Variants in QRFPR observed in about 807,000 individuals in gnomAD.
The protein encoded by QRFPR is pyroglutamylated RFamide peptide receptor, also known as pyroglutamylated RF-amide peptide receptor.
QRFPR carries 37 observed loss-of-function variants against 31.3 expected under a neutral mutation model. The ratio of observed to expected loss-of-function variants is 1.18; its 90% confidence interval spans 0.91 to 1.56. The LOEUF (loss-of-function observed/expected upper bound fraction) is 1.56. Among genes scored for constraint, QRFPR ranks in the 40% most tolerant of loss-of-function variants. QRFPR has a pLI of 0.00. For synonymous variants in QRFPR, 197 were observed against 192.0 expected (o/e 1.03, Z -0.22); for missense variants, 542 against 532.5 (o/e 1.02, Z -0.18).
At chr4:121,343,621 G>T (rs1425000322) in intron 1 of QRFPR, among the ~76,000 whole-genome samples, 1 of 152,106 alleles carries the variant, frequency 6.6e-6, no homozygotes, top group East Asian at 1.9e-4. Flanking sequence ...AAATGAATAT[G>T]GGTATAAATT....
chr4:121,349,662 C>G (rs539789430), intron 1 of QRFPR, among the ~76,000 whole-genome samples: 45 of 152,140 alleles, frequency 3.0e-4, no homozygotes, highest in African/African-American at 1.0e-3. Context: ...CCCTCGTCAC[C>G]GATTTCCTAT....
At chr4:121,375,617 A>G (rs1017982377) in intron 1 of QRFPR, among the ~76,000 whole-genome samples, 1 of 152,226 alleles carries the variant, frequency 6.6e-6, no homozygotes, top group Non-Finnish European at 1.5e-5. Flanking sequence ...GTGAAAGACC[A>G]TGGCTTATGA....
intron 1 of QRFPR, among the ~76,000 whole-genome samples, chr4:121,370,983 C>T (rs1299831321): frequency 6.6e-6 from 1 of 152,182 alleles, no homozygotes; most frequent in Non-Finnish European, 1.5e-5. Flanking sequence ...ATAGGGGAAG[C>T]TTTAATGCCA....
At chr4:121,369,898 T>C in intron 1 of QRFPR, 2 of 789,064 alleles carry the variant, frequency 2.5e-6, no homozygotes, top group East Asian at 4.8e-5. Flanking sequence ...TGTGGAGTGC[T>C]TCTGCTACTC....
intron 3 of QRFPR, among the ~76,000 whole-genome samples, chr4:121,333,643 A>T (rs532716689): frequency 6.6e-6 from 1 of 152,332 alleles, no homozygotes; most frequent in Non-Finnish European, 1.5e-5. Flanking sequence ...TTGCCAATAT[A>T]CAAATATTCA....
chr4:121,342,582 C>T (rs546908400), intron 1 of QRFPR, among the ~76,000 whole-genome samples: 54 of 152,226 alleles, frequency 3.5e-4, no homozygotes, highest in African/African-American at 1.2e-3. Context: ...TTCTCTTTCA[C>T]ATGTTAACAT....
At chr4:121,371,020 T>C (rs577830528) in intron 1 of QRFPR, among the ~76,000 whole-genome samples, 1 of 152,324 alleles carries the variant, frequency 6.6e-6, no homozygotes, top group South Asian at 2.1e-4. Context: ...ATCTAGTTAA[T>C]ACAAACACTA....
At chr4:121,362,926 G>A (rs1726019733) in intron 1 of QRFPR, among the ~76,000 whole-genome samples, 1 of 150,394 alleles carries the variant, frequency 6.6e-6, no homozygotes. Context: ...ATGCAGAGCT[G>A]TTCTTTCAAA....
intron 3 of QRFPR, 28 bp from the exon 4 acceptor site, chr4:121,333,084 GA>G: frequency 6.8e-7 from 1 of 1,464,396 alleles, no homozygotes; most frequent in Non-Finnish European, 9.5e-7. Context: ...TTCATTAAAA[GA>G]ACCAGTAGTC....
intron 1 of QRFPR, among the ~76,000 whole-genome samples, chr4:121,341,702 G>T (rs1418800351): frequency 6.6e-6 from 1 of 152,136 alleles, no homozygotes; most frequent in South Asian, 2.1e-4. Context: ...AATTTCATGT[G>T]TAGACTTCGG....
chr4:121,374,454 C>G (rs1383882115), intron 1 of QRFPR, among the ~76,000 whole-genome samples: 2 of 152,182 alleles, frequency 1.3e-5, no homozygotes, highest in Non-Finnish European at 2.9e-5. Flanking sequence ...TACACTACAT[C>G]AATGATTTTA....
At chr4:121,372,547 A>G (rs181410344) in intron 1 of QRFPR, among the ~76,000 whole-genome samples, 196 of 152,272 alleles carry the variant, frequency 1.3e-3, no homozygotes, top group Non-Finnish European at 2.5e-3. Context: ...CATAACCCCA[A>G]ACAGAAATCT....
chr4:121,375,480 T>C (rs1412179536), intron 1 of QRFPR, among the ~76,000 whole-genome samples: 2 of 152,204 alleles, frequency 1.3e-5, no homozygotes, highest in Non-Finnish European at 2.9e-5. Flanking sequence ...CAAGAAATGC[T>C]GAATACAGGA....
At chr4:121,342,708 A>AC (rs1553946385) in intron 1 of QRFPR, among the ~76,000 whole-genome samples, 1 of 151,770 alleles carries the variant, frequency 6.6e-6, no homozygotes, top group Non-Finnish European at 1.5e-5. Flanking sequence ...ATTTTTGTCT[A>AC]TTTTTTTCGC....
At chr4:121,346,163 G>A (rs1335397901) in intron 1 of QRFPR, among the ~76,000 whole-genome samples, 1 of 152,088 alleles carries the variant, frequency 6.6e-6, no homozygotes, top group Non-Finnish European at 1.5e-5. Context: ...TGAAATAATG[G>A]TCTAACAGAT....
chr4:121,367,255 G>A (rs1367350050), intron 1 of QRFPR, among the ~76,000 whole-genome samples: 1 of 149,820 alleles, frequency 6.7e-6, no homozygotes. Flanking sequence ...CCACAGTCTG[G>A]GTGGCCTGGA....
chr4:121,369,531 G>A (rs1322476095), intron 1 of QRFPR: 3 of 1,569,888 alleles, frequency 1.9e-6, no homozygotes, highest in Admixed American at 1.7e-5. Context: ...TCCATCTTGG[G>A]TGGCTTCAAG....
chr4:121,357,193 G>A (rs1280422343), intron 1 of QRFPR, among the ~76,000 whole-genome samples: 1 of 152,060 alleles, frequency 6.6e-6, no homozygotes, highest in East Asian at 1.9e-4. Flanking sequence ...CTCTAGGGGA[G>A]AATTCATTTC....
At position 121,341,849 on chromosome 4, in the gene QRFPR, C is replaced by T. The variant is rs556023001; in HGVS notation, c.341-1239G>A. On this transcript the variant is annotated intron_variant, in intron 1 of 5. Transcript: ENST00000394427. ...GGAATACTCCTTGCTTTCACAGCCC[C>T]GCTTCAGGTCTTCTCATGGCTTTTT... Among the ~76,000 whole-genome samples the T allele has an allele frequency of 1.3e-4, 20 of 152,226 alleles. No homozygotes were observed. The South Asian group carries it at 3.1e-3, about 24-fold the overall frequency.
Sources: gnomAD v4.1 joint callset for allele counts (sites outside exome capture counted in the v4.1 genomes callset) on GRCh38, gnomAD v4.1.1 for gene constraint, MANE v1.5 for transcripts, NCBI Gene and HGNC (gene_info 2026-07-23, HGNC 2026-07-21) for gene names.